The following DOCK10 variants were observed in gnomAD, a reference collection of about 807,000 sequenced individuals.
DOCK10 encodes the protein dedicator of cytokinesis protein 10.
A neutral mutation model predicts 280.1 loss-of-function variants in DOCK10; 145 were observed. The ratio of observed to expected loss-of-function variants is 0.52; its 90% CI spans 0.45 to 0.59. DOCK10 has a LOEUF of 0.59. Ranked by LOEUF, DOCK10 falls within the 20% of genes least tolerant of loss-of-function variation. The probability of loss-of-function intolerance (pLI) is 0.00; values close to 1 mark genes in which losing one functional copy is unlikely to be tolerated. For synonymous variants in DOCK10, 915 were observed against 942.2 expected, an observed-to-expected ratio of 0.97 and a Z score of 0.53; for missense variants, 2,368 against 2,651.7, an observed-to-expected ratio of 0.89 and a Z score of 2.35.
At chr2:224,993,969 T>A (rs1706199395) in intron 1 of DOCK10, among the ~76,000 whole-genome samples, 1 of 152,242 alleles carries the variant, frequency 6.6e-6, no homozygotes, top group South Asian at 2.1e-4. Flanking sequence ...GCAGTCTTGA[T>A]AAAGGTCTTG....
chr2:224,870,946 C>A (rs1698242708), intron 11 of DOCK10, among the ~76,000 whole-genome samples: 1 of 150,988 alleles, frequency 6.6e-6, no homozygotes, highest in Admixed American at 6.6e-5. Context: ...TCTGCCTCAG[C>A]CTCCTAAGTA....
chr2:224,803,855 C>G (rs1363673894), intron 39 of DOCK10, among the ~76,000 whole-genome samples: 5 of 152,094 alleles, frequency 3.3e-5, no homozygotes, highest in South Asian at 4.1e-4. Context: ...GGATTGTGCT[C>G]TAAGTGCACA....
At chr2:224,891,775 G>C (rs1015023197) in intron 4 of DOCK10, among the ~76,000 whole-genome samples, 3 of 151,622 alleles carry the variant, frequency 2.0e-5, no homozygotes, top group Non-Finnish European at 4.4e-5. Context: ...ATGCAGACCA[G>C]AGACTGTCAA....
chr2:224,983,828 A>G (rs1705874417), intron 1 of DOCK10: 1 of 470,976 alleles, frequency 2.1e-6, no homozygotes, highest in Non-Finnish European at 4.4e-6. Flanking sequence ...AAAAGAAGAA[A>G]AAAAATGCTA....
intron 1 of DOCK10, among the ~76,000 whole-genome samples, chr2:225,017,648 A>C (rs1689650190): frequency 6.7e-6 from 1 of 150,152 alleles, no homozygotes; most frequent in Non-Finnish European, 1.5e-5. Flanking sequence ...CAAAAAAAAA[A>C]TGTGGATAGA....
At chr2:224,835,255 A>G (rs1695519316) in intron 25 of DOCK10, among the ~76,000 whole-genome samples, 1 of 152,268 alleles carries the variant, frequency 6.6e-6, no homozygotes, top group South Asian at 2.1e-4. Context: ...AGATGTGAGT[A>G]ACGTCATCAT....
At chr2:224,813,108 T>C (rs1693894079) in intron 31 of DOCK10, among the ~76,000 whole-genome samples, 1 of 152,204 alleles carries the variant, frequency 6.6e-6, no homozygotes, top group African/African-American at 2.4e-5. Flanking sequence ...ACTTAAAAAA[T>C]AGAACTATAT....
At chr2:224,839,329 G>A (rs1225475152) in intron 24 of DOCK10, among the ~76,000 whole-genome samples, 2 of 149,946 alleles carry the variant, frequency 1.3e-5, no homozygotes, top group Admixed American at 1.3e-4. Context: ...GGATGGTCTC[G>A]ATCTCCTGTC....
At chr2:224,792,826 G>C (rs1216413703) in intron 47 of DOCK10, 148 bp downstream of exon 47, 2 of 556,898 alleles carry the variant, frequency 3.6e-6, no homozygotes, top group Non-Finnish European at 6.3e-6. Flanking sequence ...TGAATGGCAG[G>C]AGTTTAAGTT....
chr2:224,851,458 TA>T lies in DOCK10; in HGVS notation c.2142+918del, dbSNP rs765444040. On this transcript the variant is annotated intron_variant, in intron 18 of 55. Coordinates refer to ENST00000258390, the MANE Select transcript of DOCK10 (RefSeq NM_014689.3). ...TGGCTCAAGACCTTCTTTTTTTTTT[TA>T]AAAAAAAAAAAAAAGACTCTTTTTT... Among the ~76,000 whole-genome samples, 415 of 139,436 alleles carry T rather than the reference TA, an allele frequency of 3.0e-3. 3 individuals are homozygous for T. Among genetic ancestry groups the T allele is most frequent in the South Asian group, 5.0e-3 (22 of 4,358 alleles). The allele number at this position is 139,436 out of a possible 152,430, so 91.5% of individuals were successfully genotyped here. A position where few individuals can be genotyped will look rare whatever the true frequency, so the allele number is the denominator to read the frequency against.
intron 1 of DOCK10, among the ~76,000 whole-genome samples, chr2:224,957,809 C>T (rs1182606430): frequency 2.0e-5 from 3 of 152,158 alleles, no homozygotes; most frequent in African/African-American, 4.8e-5. Context: ...TGTTCTGGGA[C>T]GTCTCTATTA....
intron 1 of DOCK10, among the ~76,000 whole-genome samples, chr2:224,985,361 T>G (rs1481565553): frequency 1.3e-5 from 2 of 151,412 alleles, no homozygotes; most frequent in Non-Finnish European, 2.9e-5. Flanking sequence ...GGTCATTAAT[T>G]ATATATTATA....
chr2:224,852,895 G>A, intron 17 of DOCK10, 40 bp downstream of exon 17: 1 of 1,486,890 alleles, frequency 6.7e-7, no homozygotes, highest in Non-Finnish European at 9.1e-7. Flanking sequence ...TCTAAATACG[G>A]TGAAAAGAAA....
chr2:225,031,283 C>A (rs563009911), intron 1 of DOCK10, among the ~76,000 whole-genome samples: 1 of 152,312 alleles, frequency 6.6e-6, no homozygotes, highest in African/African-American at 2.4e-5. Flanking sequence ...ACTGTATTAT[C>A]CTAATGGGTC....
At chr2:224,995,278 C>T (rs556863088) in intron 1 of DOCK10, among the ~76,000 whole-genome samples, 6 of 152,146 alleles carry the variant, frequency 3.9e-5, no homozygotes, top group Admixed American at 1.3e-4. Flanking sequence ...CCATTCAGAG[C>T]GGGAAGGAAC....
Position 224,867,253 on chromosome 2 carries a change from G to A in DOCK10, c.1258-2166C>T, listed in dbSNP as rs976967206. ...TGGTAAGTAGGTCCTCCAACAGTGA[G>A]AATGCGGGATCTCATTACCATGAAT... On this transcript the variant is annotated intron_variant, in intron 11 of 55. Transcript: ENST00000258390. Among the ~76,000 whole-genome samples, 5 of 152,322 alleles carry A rather than the reference G, an allele frequency of 3.3e-5. No homozygotes were observed. The East Asian group carries it at 9.6e-4, about 29-fold the overall frequency.
intron 55 of DOCK10, among the ~76,000 whole-genome samples, chr2:224,766,310 C>T (rs952326932): frequency 2.0e-5 from 3 of 152,058 alleles, no homozygotes; most frequent in Admixed American, 6.6e-5. Context: ...CAAACAATGA[C>T]GTGTAAGCAT....
chr2:224,916,540 CAAAA>C (rs35956360), intron 3 of DOCK10, among the ~76,000 whole-genome samples, 151 bp downstream of exon 3: 10 of 110,936 alleles, frequency 9.0e-5, no homozygotes, highest in South Asian at 3.0e-4. Context: ...CACCCTCCCT[CAAAA>C]AAAAAAAAAA....
At chr2:225,035,748 G>A (rs1690243273) in intron 1 of DOCK10, among the ~76,000 whole-genome samples, 1 of 151,002 alleles carries the variant, frequency 6.6e-6, no homozygotes, top group Non-Finnish European at 1.5e-5. Context: ...ATTTTTCTCA[G>A]TTCTGGAGGC....
Sources: allele counts gnomAD v4.1 joint callset (sites outside exome capture counted in the v4.1 genomes callset), GRCh38; gene constraint gnomAD v4.1.1; transcripts MANE v1.5; gene names NCBI Gene and HGNC (gene_info 2026-07-23, HGNC 2026-07-21).